The following SLC12A2 variants were observed in gnomAD, a reference collection of about 807,000 sequenced individuals.
SLC12A2 encodes the protein solute carrier family 12 member 2.
SLC12A2 carries 67 observed loss-of-function variants against 136.3 expected under a neutral mutation model. That is an observed-to-expected ratio of 0.49 (90% CI 0.40 to 0.60). The LOEUF (loss-of-function observed/expected upper bound fraction) is 0.60, where lower values mean the gene tolerates loss of function less well. Ranked by LOEUF, SLC12A2 falls within the 20% of genes least tolerant of loss-of-function variation. The probability of loss-of-function intolerance (pLI) is 0.00; values close to 1 mark genes in which losing one functional copy is unlikely to be tolerated. For synonymous variants in SLC12A2, 619 were observed against 562.9 expected (o/e 1.10, Z -1.41); for missense variants, 1,322 against 1,534.7 (o/e 0.86, Z 2.32).
chr5:128,127,717 C>G (rs1408751571), intron 4 of SLC12A2, among the ~76,000 whole-genome samples: 1 of 152,084 alleles, frequency 6.6e-6, no homozygotes, highest in Non-Finnish European at 1.5e-5. Context: ...TCATTGTAAT[C>G]AAGTCATTTA....
intron 1 of SLC12A2, among the ~76,000 whole-genome samples, chr5:128,097,522 C>T (rs2898096): frequency 0.31 from 47,202 of 151,704 alleles, 8,764 homozygotes; most frequent in African/African-American, 0.51. Flanking sequence ...TTTTGTTTCT[C>T]GAATTATTCT....
intron 1 of SLC12A2, among the ~76,000 whole-genome samples, chr5:128,095,393 T>C (rs1165172617): frequency 6.6e-6 from 1 of 152,126 alleles, no homozygotes; most frequent in Non-Finnish European, 1.5e-5. Flanking sequence ...TAATACCTGG[T>C]AGGGCAGAAT....
chr5:128,109,753 C>T, intron 1 of SLC12A2: 1 of 946,732 alleles, frequency 1.1e-6, no homozygotes, highest in Non-Finnish European at 1.7e-6. Context: ...AGGTTTTAGA[C>T]TAAAAGGATG....
chr5:128,116,696 T>C (rs922508530), intron 4 of SLC12A2, among the ~76,000 whole-genome samples: 1 of 152,204 alleles, frequency 6.6e-6, no homozygotes, highest in Non-Finnish European at 1.5e-5. Context: ...AAGTTATTAA[T>C]TTAAAGAGTG....
intron 20 of SLC12A2, among the ~76,000 whole-genome samples, chr5:128,176,535 C>T (rs1265862556): frequency 6.6e-6 from 1 of 151,918 alleles, no homozygotes; most frequent in Non-Finnish European, 1.5e-5. Context: ...CACGTATATA[C>T]ATACATATAT....
chr5:128,181,306 A>T (rs371217456), intron 23 of SLC12A2, among the ~76,000 whole-genome samples: 2 of 152,278 alleles, frequency 1.3e-5, no homozygotes, highest in Non-Finnish European at 2.9e-5. Context: ...CAAACGTTAC[A>T]TATTTATATA....
chr5:128,189,160 A>T lies in SLC12A2; in HGVS notation c.*2529A>T, dbSNP rs990006995. ...CCAGGTCGAAAATTTTCAAGGTTAT[A>T]GTACTTATTTCAACAATTCTTAGAG... On this transcript the variant is annotated 3_prime_UTR_variant, in exon 27 of 27. Coordinates refer to ENST00000262461, the MANE Select transcript of SLC12A2 (RefSeq NM_001046.3). The T allele has an allele frequency of 3.3e-5, 5 of 152,194 alleles. No individual in the cohort carries two copies. The highest frequency in any genetic ancestry group is 6.6e-5 in the Admixed American group (1 of 15,264). The allele number at this position is 152,194 out of a possible 1,614,324, so 9.4% of individuals were successfully genotyped here.
chr5:128,185,058 A>C (rs1048188335), intron 26 of SLC12A2, among the ~76,000 whole-genome samples: 10 of 152,104 alleles, frequency 6.6e-5, no homozygotes, highest in Admixed American at 1.3e-4. Context: ...TATGAATCCC[A>C]AGTAATCTTT....
chr5:128,108,723 CT>C (rs1256881892), intron 1 of SLC12A2, among the ~76,000 whole-genome samples: 2 of 152,298 alleles, frequency 1.3e-5, no homozygotes, highest in Non-Finnish European at 2.9e-5. Flanking sequence ...AAGAGTACAA[CT>C]TTGTAGATAT....
intron 1 of SLC12A2, chr5:128,110,859 C>T: frequency 7.1e-7 from 1 of 1,413,292 alleles, no homozygotes; most frequent in Middle Eastern, 2.2e-4. Flanking sequence ...GTTATTATTT[C>T]AAACTTTTCC....
At position 128,138,889 on chromosome 5, in the gene SLC12A2, A is replaced by C; in HGVS notation, c.1602A>C (p.Val534=). The C allele has an allele frequency of 6.2e-7, 1 of 1,611,458 alleles. No homozygotes were observed. Among genetic ancestry groups the C allele is most frequent in the South Asian group, 1.1e-5 (1 of 90,852 alleles). The part of the protein sequence containing the change: ...LAILITTLVY[V]GIAVSVGSCV... ...TTTTAATTACTACATTGGTTTACGT[A>C]GGAATTGCAGTATCTGTAGGTAAAT... Residue 534 remains valine (V), a synonymous_variant, in exon 9 of 27, where the codon GTA becomes GTC. Transcript: ENST00000262461.
intron 1 of SLC12A2, among the ~76,000 whole-genome samples, chr5:128,106,178 A>G (rs1055530584): frequency 6.6e-6 from 1 of 152,196 alleles, no homozygotes; most frequent in Admixed American, 6.5e-5. Context: ...ACCATTACCC[A>G]TAAAATATTT....
At chr5:128,178,463 G>A (rs1763600959) in intron 21 of SLC12A2, 104 bp from the exon 22 acceptor site, 2 of 754,798 alleles carry the variant, frequency 2.6e-6, no homozygotes, top group East Asian at 3.0e-5. Context: ...ATTATCTGTA[G>A]TATAAACATC....
intron 3 of SLC12A2, 103 bp downstream of exon 3, chr5:128,114,390 G>A (rs891398631): frequency 7.5e-6 from 7 of 934,102 alleles, no homozygotes; most frequent in African/African-American, 5.0e-5. Context: ...TTTTAACTAC[G>A]TTTTCCTTTA....
intron 1 of SLC12A2, among the ~76,000 whole-genome samples, chr5:128,088,535 A>G (rs781073285): frequency 2.0e-5 from 3 of 150,944 alleles, no homozygotes; most frequent in Non-Finnish European, 3.0e-5. Flanking sequence ...GCATTATTAA[A>G]GTAGTTTTTT....
intron 15 of SLC12A2, among the ~76,000 whole-genome samples, chr5:128,155,836 T>C (rs1581119614): frequency 6.6e-6 from 1 of 152,148 alleles, no homozygotes; most frequent in Non-Finnish European, 1.5e-5. Context: ...TTGATCTGAT[T>C]AGATTTTCCA....
intron 1 of SLC12A2, among the ~76,000 whole-genome samples, chr5:128,101,205 G>A (rs1760728729): frequency 6.6e-6 from 1 of 152,042 alleles, no homozygotes; most frequent in Admixed American, 6.6e-5. Context: ...GGAAATGTTG[G>A]TAGCTTTAGG....
At position 128,084,779 on chromosome 5, in the gene SLC12A2, ACT is replaced by A. The variant is rs1404041012; in HGVS notation, c.756+72_756+73del. 1.4e-6 allele frequency: 2 copies of A among 1,450,270 alleles called. No homozygotes were observed. The highest frequency in any genetic ancestry group is 2.5e-5 in the East Asian group (1 of 39,992). 89.8% of individuals were successfully genotyped at this position (1,450,270 alleles called of 1,614,324 possible). A position where few individuals can be genotyped will look rare whatever the true frequency, so the allele number is the denominator to read the frequency against. The stretch of plus-strand genomic sequence containing the variant: ...TGCCGACCGCGGGATGTGGCTGCAG[ACT>A]CTTCCCGAGTTGAGGTGGCGGGAGT... On this transcript the variant is annotated intron_variant, in intron 1 of 26. Transcript: ENST00000262461. The surrounding 1 kb of genome is among the most constrained non-coding windows in gnomAD (Gnocchi z 5.6).
chr5:128,167,808 T>G lies in SLC12A2; in HGVS notation c.2664T>G (p.Phe888Leu). 1 of 1,609,956 alleles carries G rather than the reference T, an allele frequency of 6.2e-7. No individual in the cohort carries two copies. Among genetic ancestry groups the G allele is most frequent in the Non-Finnish European group, 8.5e-7 (1 of 1,178,334 alleles). Reference protein sequence around the residue: ...RMKPNTLVLGFKKDWLQADMR... With the variant: ...RMKPNTLVLGLKKDWLQADMR... ...AGCCAAACACACTTGTCCTTGGATT[T>G]AAGAAAGATTGGTTGCAAGCAGATA... Residue 888 changes from phenylalanine to leucine, a missense_variant, in exon 18 of 27, where the codon TTT (phenylalanine) becomes TTG (leucine). By Grantham distance (22) the Phe-to-Leu change is conservative. Coordinates refer to ENST00000262461, the MANE Select transcript of SLC12A2 (RefSeq NM_001046.3).
Sources: allele counts gnomAD v4.1 joint callset (sites outside exome capture counted in the v4.1 genomes callset), GRCh38; gene constraint gnomAD v4.1.1; non-coding constraint Gnocchi (gnomAD v3.1); transcripts MANE v1.5; gene names NCBI Gene and HGNC (gene_info 2026-07-23, HGNC 2026-07-21).